TG: variants seen among roughly 807,000 people sequenced by gnomAD.
The protein encoded by TG is thyroglobulin.
TG carries 270 observed loss-of-function variants against 324.7 expected under a neutral mutation model. That is an observed-to-expected ratio of 0.83 (90% confidence interval 0.75 to 0.92). TG has a LOEUF of 0.92. TG is among the 40% of genes least tolerant of loss of function. The probability of loss-of-function intolerance (pLI) is 0.00; values close to 1 mark genes in which losing one functional copy is unlikely to be tolerated. For synonymous variants in TG, 1,401 were observed against 1,327.0 expected (o/e 1.06, Z -1.21); for missense variants, 3,591 against 3,456.4 (o/e 1.04, Z -0.98).
chr8:133,091,380 G>A lies in TG; in HGVS notation c.7240-3664G>A, dbSNP rs1187840811. On this transcript the variant is annotated intron_variant, in intron 41 of 47. Transcript: ENST00000220616. ...GTGCAAGGCGTGCCAGGAGGGAGGC[G>A]GAGTCCATCCAGAGGACCCTCTGAC... Among the ~76,000 whole-genome samples, 5 of 152,260 alleles carry A rather than the reference G, an allele frequency of 3.3e-5. No homozygotes were observed. In the East Asian group the frequency reaches 5.8e-4, roughly 18 times the overall value.
intron 34 of TG, among the ~76,000 whole-genome samples, chr8:132,972,971 C>G (rs377259448): frequency 2.6e-5 from 4 of 152,260 alleles, no homozygotes; most frequent in African/African-American, 9.6e-5. Flanking sequence ...GGAAATGGAC[C>G]ATTTCCATGG....
At chr8:132,882,265 A>G (rs1039961133) in intron 6 of TG, among the ~76,000 whole-genome samples, 6 of 152,262 alleles carry the variant, frequency 3.9e-5, no homozygotes, top group African/African-American at 1.4e-4. Context: ...CTCTTATTCT[A>G]TAAGCACTGC....
At chr8:133,119,797 C>T (rs1588137001) in intron 45 of TG, among the ~76,000 whole-genome samples, 3 of 152,178 alleles carry the variant, frequency 2.0e-5, no homozygotes, top group Admixed American at 6.5e-5. Flanking sequence ...GTAACCCACC[C>T]GCGGCTTCTC....
intron 45 of TG, among the ~76,000 whole-genome samples, chr8:133,130,280 C>A (rs999091271): frequency 6.6e-6 from 1 of 152,164 alleles, no homozygotes; most frequent in African/African-American, 2.4e-5. Flanking sequence ...GTAGACCAGG[C>A]TATTGTAGTA....
At chr8:132,909,123 G>A (rs1347763604) in intron 18 of TG, among the ~76,000 whole-genome samples, 1 of 152,202 alleles carries the variant, frequency 6.6e-6, no homozygotes, top group Non-Finnish European at 1.5e-5. Context: ...AGTTGAGAAA[G>A]TGACAGGATG....
At chr8:132,957,768 C>CACAG (rs1827133751) in intron 27 of TG, among the ~76,000 whole-genome samples, 2 of 144,916 alleles carry the variant, frequency 1.4e-5, no homozygotes, top group African/African-American at 5.7e-5. Flanking sequence ...CACACACACA[C>CACAG]ACACACACAC....
At chr8:132,903,266 G>A (rs1818183116) in intron 16 of TG, among the ~76,000 whole-genome samples, 1 of 152,244 alleles carries the variant, frequency 6.6e-6, no homozygotes, top group Non-Finnish European at 1.5e-5. Flanking sequence ...GCTAACATTT[G>A]TAAAGGCTTC....
chr8:133,095,176 C>T lies in TG; in HGVS notation c.7372C>T (p.Pro2458Ser), dbSNP rs201280992. The T allele has an allele frequency of 4.8e-5, 77 of 1,614,244 alleles. No individual in the cohort carries two copies. In the East Asian group the frequency reaches 1.6e-3, roughly 34 times the overall value. ...QEVVSCLRQK[P>S]ANVLNDAQTK... ...AGTGGTGTCCTGCCTCCGCCAGAAG[C>T]CTGCCAATGTCCTCAATGATGCCCA... Residue 2458 changes from proline to serine, a missense_variant, in exon 42 of 48, where the codon CCT becomes TCT. Pro to Ser is a moderately conservative substitution (Grantham distance 74). Transcript: ENST00000220616.
At chr8:133,124,956 A>G (rs559462559) in intron 45 of TG, among the ~76,000 whole-genome samples, 3 of 152,348 alleles carry the variant, frequency 2.0e-5, no homozygotes, top group African/African-American at 7.2e-5. Context: ...TGGATAGATT[A>G]TTGAACTGAA....
intron 41 of TG, chr8:133,038,722 G>A (rs761546438): frequency 1.5e-5 from 25 of 1,613,484 alleles, no homozygotes; most frequent in Middle Eastern, 1.6e-4. Context: ...CTGTTCCCTC[G>A]GGGTCCTCCT....
intron 41 of TG, chr8:133,059,993 T>C (rs1259760767): frequency 2.1e-5 from 23 of 1,114,142 alleles, no homozygotes; most frequent in Admixed American, 5.4e-5. Flanking sequence ...AGCCCTTCGG[T>C]ACCCATTGCC....
Position 133,023,465 on chromosome 8 carries a change from C to T in TG, c.7036+1315C>T, listed in dbSNP as rs1255901753. Among the ~76,000 whole-genome samples, 3 of 152,078 alleles carry T rather than the reference C, an allele frequency of 2.0e-5. 1 individual carries two copies. The highest frequency in any genetic ancestry group is 4.2e-4 in the South Asian group (2 of 4,804). ...GGAAAATTATCCCCACCCTCTTTCA[C>T]ATATATGTCGTGGTAAGAAGTGAAT... is the stretch of plus-strand genomic sequence containing the variant. On this transcript the variant is annotated intron_variant, in intron 40 of 47. Transcript: ENST00000220616.
rs192627877 is a variant in TG at position 133,056,945 on chromosome 8, G to C, written c.7239+26922G>C. Among the ~76,000 whole-genome samples the C allele has an allele frequency of 6.0e-4, 91 of 152,258 alleles. 1 individual carries two copies. Among genetic ancestry groups the C allele is most frequent in the African/African-American group, 2.1e-3 (88 of 41,538 alleles). On this transcript the variant is annotated intron_variant, in intron 41 of 47. Coordinates refer to ENST00000220616, the MANE Select transcript of TG (RefSeq NM_003235.5). ...TTCCACCATCCCCAGGTTCTGATTC[G>C]TGGGCCTGGGGTGGGACCCAGGAAT...
At chr8:133,075,072 G>T (rs955626273) in intron 41 of TG, 17 of 985,442 alleles carry the variant, frequency 1.7e-5, no homozygotes, top group Non-Finnish European at 1.9e-5. Flanking sequence ...CACAGGGCTT[G>T]CAGAAGGGCA....
intron 41 of TG, chr8:133,037,849 C>T (rs978038815): frequency 6.6e-6 from 1 of 152,304 alleles, no homozygotes; most frequent in Non-Finnish European, 1.5e-5. Context: ...AGCAGTCTTC[C>T]TCTCTCTCAT....
At position 132,967,817 on chromosome 8, in the gene TG, T is replaced by G. The variant is rs780797972; in HGVS notation, c.5710T>G (p.Cys1904Gly). Residue 1904 changes from cysteine (C) to glycine (G), a missense_variant, in exon 31 of 48, where the codon TGT becomes GGT. Physicochemically the swap from Cys to Gly is radical, Grantham distance 159. Transcript: ENST00000220616. ...LSRCVQEHSF[C>G]QLAEITESAS... ...AGGTTGTGTGCAGGAGCACTCTTTC[T>G]GTCAGCTCGCAGAGATAACAGAGAG... The G allele has an allele frequency of 3.1e-6, 5 of 1,613,898 alleles. No homozygotes were observed. In the East Asian group the frequency reaches 8.9e-5, roughly 29 times the overall value.
intron 10 of TG, among the ~76,000 whole-genome samples, chr8:132,889,613 C>T (rs926264946): frequency 3.3e-5 from 5 of 152,124 alleles, no homozygotes; most frequent in Admixed American, 6.5e-5. Flanking sequence ...GATAAGAAGT[C>T]TTATTTATTT....
intron 33 of TG, 148 bp from the exon 34 acceptor site, chr8:132,972,450 C>A: frequency 1.1e-6 from 1 of 896,694 alleles, no homozygotes; most frequent in Admixed American, 2.6e-5. Context: ...GGTTTTTCAG[C>A]AGTGGCTGAG....
Position 132,866,987 on chromosome 8 carries a change from G to A in TG, c.-14G>A, listed in dbSNP as rs760690356. The stretch of plus-strand genomic sequence containing the variant: ...AGTGGTTTCTCCTCCTTCCTCCCAG[G>A]AAGGGCCAGGAAAATGGCCCTGGTC... On this transcript the variant is annotated 5_prime_UTR_variant, in exon 1 of 48. Transcript: ENST00000220616. The A allele has an allele frequency of 2.5e-6, 4 of 1,584,136 alleles. No individual in the cohort carries two copies. The highest frequency in any genetic ancestry group is 1.3e-5 in the African/African-American group (1 of 74,346).
Sources: gnomAD v4.1 joint callset for allele counts (sites outside exome capture counted in the v4.1 genomes callset) on GRCh38, gnomAD v4.1.1 for gene constraint, MANE v1.5 for transcripts, NCBI Gene and HGNC (gene_info 2026-07-23, HGNC 2026-07-21) for gene names.